The following NRG3 variants were observed in gnomAD, a reference collection of about 807,000 sequenced individuals.
NRG3 encodes the protein pro-neuregulin-3, membrane-bound isoform.
In NRG3, 31 loss-of-function variants were observed where a neutral mutation model predicts 66.9. The observed-to-expected ratio is 0.46, with a 90% confidence interval of 0.35 to 0.63. The LOEUF (loss-of-function observed/expected upper bound fraction) is 0.63. Ranked by LOEUF, NRG3 falls within the 20% of genes least tolerant of loss-of-function variation. The probability of loss-of-function intolerance (pLI) is 0.00; values close to 1 mark genes in which losing one functional copy is unlikely to be tolerated. For synonymous variants in NRG3, 393 were observed against 359.4 expected, an observed-to-expected ratio of 1.09 and a Z score of -1.06; for missense variants, 910 against 878.9, an observed-to-expected ratio of 1.04 and a Z score of -0.45.
At chr10:81,946,346 G>A in intron 1 of NRG3, among the ~76,000 whole-genome samples, 1 of 152,140 alleles carries the variant, frequency 6.6e-6, no homozygotes. Context: ...GCAGAACTGT[G>A]AGATAAGTCC....
At chr10:82,123,438 C>A (rs1197010918) in intron 1 of NRG3, among the ~76,000 whole-genome samples, 2 of 152,082 alleles carry the variant, frequency 1.3e-5, no homozygotes, top group Non-Finnish European at 2.9e-5. Flanking sequence ...GCTTATGGAG[C>A]CCACTCTTTC....
At chr10:82,298,617 A>G (rs1277053414) in intron 1 of NRG3, among the ~76,000 whole-genome samples, 1 of 152,128 alleles carries the variant, frequency 6.6e-6, no homozygotes, top group African/African-American at 2.4e-5. Flanking sequence ...TTTGACAGTC[A>G]TCATTAGATT....
At chr10:82,625,894 A>G (rs2049386414) in intron 2 of NRG3, among the ~76,000 whole-genome samples, 1 of 152,230 alleles carries the variant, frequency 6.6e-6, no homozygotes, top group Non-Finnish European at 1.5e-5. Context: ...CCTTATTATC[A>G]GAAGACAAGA....
At chr10:82,160,794 G>A (rs2132942165) in intron 1 of NRG3, among the ~76,000 whole-genome samples, 1 of 152,038 alleles carries the variant, frequency 6.6e-6, no homozygotes, top group South Asian at 2.1e-4. Flanking sequence ...GTGGTAGTAG[G>A]GAAACAAGTT....
intron 1 of NRG3, among the ~76,000 whole-genome samples, chr10:82,162,688 A>C (rs1024416590): frequency 3.9e-5 from 6 of 152,180 alleles, no homozygotes; most frequent in Non-Finnish European, 7.3e-5. Context: ...GAAACCAGTA[A>C]GTCAACCCAA....
At chr10:81,885,759 T>C (rs772644460) in intron 1 of NRG3, among the ~76,000 whole-genome samples, 1 of 152,154 alleles carries the variant, frequency 6.6e-6, no homozygotes, top group Non-Finnish European at 1.5e-5. Context: ...TGTAAGACTG[T>C]AAATGAATCC....
chr10:82,225,514 G>T (rs2076127134), intron 1 of NRG3: 1 of 152,108 alleles, frequency 6.6e-6, no homozygotes, highest in South Asian at 2.1e-4. Context: ...TCTGAATGAA[G>T]GGCATGTTAC....
chr10:82,333,001 G>A (rs1182994380), intron 1 of NRG3, among the ~76,000 whole-genome samples: 1 of 152,124 alleles, frequency 6.6e-6, no homozygotes, highest in African/African-American at 2.4e-5. Context: ...ATCAACAATC[G>A]AGTTTTTGAA....
At chr10:82,545,198 G>T (rs2043809900) in intron 2 of NRG3, among the ~76,000 whole-genome samples, 1 of 151,996 alleles carries the variant, frequency 6.6e-6, no homozygotes, top group African/African-American at 2.4e-5. Flanking sequence ...TTTCTTTTTG[G>T]ATGGGTGGGA....
intron 2 of NRG3, among the ~76,000 whole-genome samples, chr10:82,665,580 T>C (rs1421842349): frequency 6.6e-6 from 1 of 152,212 alleles, no homozygotes; most frequent in Non-Finnish European, 1.5e-5. Flanking sequence ...CTTGATCTTT[T>C]ATTAACCTCA....
At chr10:82,360,922 G>T (rs900841137) in intron 2 of NRG3, among the ~76,000 whole-genome samples, 5 of 152,134 alleles carry the variant, frequency 3.3e-5, no homozygotes, top group African/African-American at 1.2e-4. Context: ...CTGTAGGTGT[G>T]TGTGTTCCAA....
intron 4 of NRG3, among the ~76,000 whole-genome samples, chr10:82,891,474 A>G (rs1054325442): frequency 2.0e-5 from 3 of 151,908 alleles, no homozygotes; most frequent in Non-Finnish European, 4.4e-5. Flanking sequence ...AACATATTTT[A>G]TAGATTTCTG....
At chr10:82,639,061 A>T (rs1299599105) in intron 2 of NRG3, among the ~76,000 whole-genome samples, 1 of 152,206 alleles carries the variant, frequency 6.6e-6, no homozygotes, top group Non-Finnish European at 1.5e-5. Flanking sequence ...GATCAAATTG[A>T]ATAATCTACT....
At chr10:82,675,500 T>C (rs1217289213) in intron 2 of NRG3, among the ~76,000 whole-genome samples, 1 of 152,218 alleles carries the variant, frequency 6.6e-6, no homozygotes, top group African/African-American at 2.4e-5. Context: ...AGTGATGCTG[T>C]CCACAGGGGT....
intron 1 of NRG3, among the ~76,000 whole-genome samples, chr10:82,288,061 G>A (rs1022295616): frequency 4.6e-5 from 7 of 152,288 alleles, no homozygotes; most frequent in African/African-American, 1.2e-4. Flanking sequence ...GGGGAGCCCC[G>A]ATGGGGTCCC....
intron 1 of NRG3, among the ~76,000 whole-genome samples, chr10:82,251,292 C>A (rs1469687683): frequency 6.6e-6 from 1 of 152,162 alleles, no homozygotes; most frequent in African/African-American, 2.4e-5. Flanking sequence ...TTCTCCTCCC[C>A]CTCTTCCCTC....
At chr10:82,033,841 C>A (rs1378855582) in intron 1 of NRG3, among the ~76,000 whole-genome samples, 1 of 152,130 alleles carries the variant, frequency 6.6e-6, no homozygotes, top group Non-Finnish European at 1.5e-5. Flanking sequence ...CAGAAAAATT[C>A]TGTATACCTT....
At chr10:82,339,243 A>G (rs760787204) in intron 1 of NRG3, among the ~76,000 whole-genome samples, 8 of 152,136 alleles carry the variant, frequency 5.3e-5, no homozygotes, top group Non-Finnish European at 1.2e-4. Flanking sequence ...GATTTCCTGT[A>G]TTTTTAGTCA....
At chr10:82,393,925 T>C (rs563773599) in intron 2 of NRG3, among the ~76,000 whole-genome samples, 102 of 152,324 alleles carry the variant, frequency 6.7e-4, no homozygotes, top group Non-Finnish European at 1.3e-3. Context: ...TTTTGTGTGG[T>C]CAGAGATTCT....
Sources: allele counts gnomAD v4.1 joint callset (sites outside exome capture counted in the v4.1 genomes callset), GRCh38; gene constraint gnomAD v4.1.1; transcripts MANE v1.5; gene names NCBI Gene and HGNC (gene_info 2026-07-23, HGNC 2026-07-21).